The following ADAMTS12 variants were observed in gnomAD, a reference collection of about 807,000 sequenced individuals.
ADAMTS12 encodes the protein ADAM metallopeptidase with thrombospondin type 1 motif 12.
Under a neutral mutation model 167.8 loss-of-function variants are expected in ADAMTS12, and 118 were observed. That is an observed-to-expected ratio of 0.70 (90% CI 0.61 to 0.82). The LOEUF is 0.82. Ranked by LOEUF, ADAMTS12 falls within the 40% of genes least tolerant of loss-of-function variation. The pLI is 0.00. For synonymous variants in ADAMTS12, 704 were observed against 716.9 expected (o/e 0.98, Z 0.29); for missense variants, 1,916 against 1,998.8 (o/e 0.96, Z 0.79).
intron 23 of ADAMTS12, among the ~76,000 whole-genome samples, chr5:33,534,120 G>A (rs911453552): frequency 9.2e-5 from 14 of 152,142 alleles, no homozygotes; most frequent in African/African-American, 7.2e-5. Context: ...TGTCTCTCAC[G>A]CAGAGAGCCT....
intron 2 of ADAMTS12, among the ~76,000 whole-genome samples, chr5:33,802,722 C>T (rs1747058827): frequency 6.6e-6 from 1 of 152,142 alleles, no homozygotes; most frequent in Non-Finnish European, 1.5e-5. Flanking sequence ...ATCTCAGGGG[C>T]CCTACTCTGA....
At chr5:33,822,929 G>C (rs1747915307) in intron 2 of ADAMTS12, among the ~76,000 whole-genome samples, 1 of 151,708 alleles carries the variant, frequency 6.6e-6, no homozygotes, top group Admixed American at 6.6e-5. Flanking sequence ...TCTACAAATA[G>C]AAGAATTAAA....
intron 2 of ADAMTS12, among the ~76,000 whole-genome samples, chr5:33,760,594 T>C (rs1252587018): frequency 6.6e-6 from 1 of 152,172 alleles, no homozygotes; most frequent in Non-Finnish European, 1.5e-5. Flanking sequence ...GGAATTTTCA[T>C]TACATCTCAA....
At chr5:33,743,057 T>C (rs1326432652) in intron 3 of ADAMTS12, among the ~76,000 whole-genome samples, 1 of 152,120 alleles carries the variant, frequency 6.6e-6, no homozygotes, top group East Asian at 1.9e-4. Context: ...TTCATTAGCA[T>C]GAAAGGGTGA....
chr5:33,614,638 A>G (rs1738897866), intron 15 of ADAMTS12, among the ~76,000 whole-genome samples: 1 of 152,128 alleles, frequency 6.6e-6, no homozygotes, highest in Non-Finnish European at 1.5e-5. Flanking sequence ...TTCCCATGGG[A>G]ATTTCAGTTC....
intron 17 of ADAMTS12, among the ~76,000 whole-genome samples, chr5:33,590,898 CTT>C (rs60630543): frequency 1.5e-3 from 203 of 137,782 alleles, no homozygotes; most frequent in Middle Eastern, 3.8e-3. Context: ...CTTCTTCTTC[CTT>C]TTTTTTTTTT....
chr5:33,628,667 C>T (rs4866348), intron 13 of ADAMTS12, among the ~76,000 whole-genome samples: 52,577 of 152,018 alleles, frequency 0.35, 10,237 homozygotes, highest in African/African-American at 0.54. Context: ...AATACATGCT[C>T]AATCCCCTTT....
chr5:33,561,459 A>G (rs1009349159), intron 19 of ADAMTS12, among the ~76,000 whole-genome samples: 4 of 152,236 alleles, frequency 2.6e-5, no homozygotes, highest in African/African-American at 9.6e-5. Flanking sequence ...GGAAAATTCA[A>G]TGCAAATGGA....
intron 22 of ADAMTS12, among the ~76,000 whole-genome samples, chr5:33,539,632 A>G (rs1744586322): frequency 6.6e-6 from 1 of 152,250 alleles, no homozygotes; most frequent in African/African-American, 2.4e-5. Context: ...TAGCAGACTT[A>G]GAGGTATTCA....
chr5:33,554,409 C>T (rs1745399162), intron 20 of ADAMTS12, among the ~76,000 whole-genome samples: 1 of 152,148 alleles, frequency 6.6e-6, no homozygotes, highest in Non-Finnish European at 1.5e-5. Context: ...CTAAAGGCTT[C>T]TATTTAATTG....
At chr5:33,587,634 T>C (rs189041817) in intron 18 of ADAMTS12, among the ~76,000 whole-genome samples, 1 of 152,222 alleles carries the variant, frequency 6.6e-6, no homozygotes, top group African/African-American at 2.4e-5. Flanking sequence ...GTATTTTTCA[T>C]AGAGATGGTG....
chr5:33,549,088 G>A, intron 21 of ADAMTS12, 119 bp downstream of exon 21: 1 of 1,289,134 alleles, frequency 7.8e-7, no homozygotes, highest in Non-Finnish European at 1.1e-6. Context: ...CTGAACAGAG[G>A]CCAGTCATTG....
chr5:33,682,040 T>C (rs942827892), intron 5 of ADAMTS12, among the ~76,000 whole-genome samples: 18 of 152,246 alleles, frequency 1.2e-4, no homozygotes, highest in Non-Finnish European at 2.5e-4. Context: ...TGAATTCTTA[T>C]GGCAAGGCTG....
In ADAMTS12 at chr5:33,648,881, C is replaced by T. The variant is rs773999948; in HGVS notation, c.1420G>A (p.Val474Ile). ...KVIAPGVIYDVHHQCQLQYGP... is the reference protein window; with the variant it reads ...KVIAPGVIYDIHHQCQLQYGP... Reference sequence around the variant, plus strand: ...TATTGTAGCTGGCACTGGTGGTGAACATCATAGATCACTCCGGGGGCAATG... The same window carrying T: ...TATTGTAGCTGGCACTGGTGGTGAATATCATAGATCACTCCGGGGGCAATG... Residue 474 changes from valine to isoleucine, a missense_variant, in exon 9 of 24, where the codon GTT becomes ATT. Physicochemically the swap from Val to Ile is conservative, Grantham distance 29. Transcript: ENST00000504830. 5.6e-6 allele frequency: 9 copies of T among 1,613,908 alleles called. No homozygotes were observed. In the African/African-American group the frequency reaches 1.2e-4, roughly 22 times the overall value.
chr5:33,837,874 C>A (rs542250867), intron 2 of ADAMTS12, among the ~76,000 whole-genome samples: 1 of 152,188 alleles, frequency 6.6e-6, no homozygotes, highest in Middle Eastern at 3.2e-3. Flanking sequence ...GTTGAGCAAG[C>A]CTGCCTTTCT....
chr5:33,770,852 T>TTCC (rs931837164), intron 2 of ADAMTS12, among the ~76,000 whole-genome samples: 1 of 149,926 alleles, frequency 6.7e-6, no homozygotes, highest in Non-Finnish European at 1.5e-5. Context: ...CCTCCTCCTC[T>TTCC]TCCTCCTCCT....
chr5:33,803,604 T>G (rs1187268494), intron 2 of ADAMTS12, among the ~76,000 whole-genome samples: 1 of 152,210 alleles, frequency 6.6e-6, no homozygotes, highest in Non-Finnish European at 1.5e-5. Context: ...TGTATTAGTC[T>G]GTTCTCGCAC....
At chr5:33,670,415 T>C (rs1171308568) in intron 5 of ADAMTS12, among the ~76,000 whole-genome samples, 1 of 152,130 alleles carries the variant, frequency 6.6e-6, no homozygotes, top group Non-Finnish European at 1.5e-5. Flanking sequence ...GGTGCAGTCA[T>C]TATGGAAAAA....
intron 2 of ADAMTS12, among the ~76,000 whole-genome samples, chr5:33,769,774 C>G (rs1262353492): frequency 6.6e-6 from 1 of 152,158 alleles, no homozygotes; most frequent in Non-Finnish European, 1.5e-5. Context: ...TCAAGAGATG[C>G]AGAATTGTAC....
Sources: gnomAD v4.1 joint callset for allele counts (sites outside exome capture counted in the v4.1 genomes callset) on GRCh38, gnomAD v4.1.1 for gene constraint, MANE v1.5 for transcripts, NCBI Gene and HGNC (gene_info 2026-07-23, HGNC 2026-07-21) for gene names.